Variants in PDE4D observed in about 807,000 individuals in gnomAD.
The protein encoded by PDE4D is phosphodiesterase 4D, also known as 3',5'-cyclic-AMP phosphodiesterase 4D.
In PDE4D, 24 loss-of-function variants were observed where a neutral mutation model predicts 87.4. The observed-to-expected ratio is 0.27, with a 90% CI of 0.20 to 0.39. The LOEUF (loss-of-function observed/expected upper bound fraction) is 0.39. Ranked by LOEUF, PDE4D falls within the 10% of genes least tolerant of loss-of-function variation. The pLI is 1.00. For synonymous variants in PDE4D, 384 were observed against 383.2 expected (o/e 1.00, Z -0.02); for missense variants, 714 against 1,041.0 (o/e 0.69, Z 4.32).
intron 2 of PDE4D, among the ~76,000 whole-genome samples, chr5:59,211,105 C>G (rs1026777338): frequency 6.6e-6 from 1 of 152,038 alleles, no homozygotes; most frequent in Admixed American, 6.6e-5. Flanking sequence ...GGGCAACCAG[C>G]CTTTTGTTAT....
At chr5:59,024,609 T>C (rs183023084) in intron 6 of PDE4D, among the ~76,000 whole-genome samples, 4 of 152,302 alleles carry the variant, frequency 2.6e-5, no homozygotes, top group Admixed American at 2.6e-4. Flanking sequence ...CTATATATCC[T>C]TTAGGCATTC....
intron 5 of PDE4D, among the ~76,000 whole-genome samples, chr5:59,171,269 A>G (rs1198058598): frequency 6.6e-6 from 1 of 152,102 alleles, no homozygotes; most frequent in African/African-American, 2.4e-5. Context: ...AGAGTTGTGA[A>G]CCCATTCCCT....
At chr5:60,046,810 A>T (rs2152874342) in intron 2 of PDE4D, among the ~76,000 whole-genome samples, 1 of 152,232 alleles carries the variant, frequency 6.6e-6, no homozygotes, top group South Asian at 2.1e-4. Context: ...TTCATCAAGG[A>T]TATTGGTCTA....
intron 1 of PDE4D, among the ~76,000 whole-genome samples, chr5:59,304,401 T>C (rs1770872536): frequency 6.6e-6 from 1 of 152,178 alleles, no homozygotes; most frequent in African/African-American, 2.4e-5. Flanking sequence ...CCCTCTTGTC[T>C]GATTGCTCTT....
At chr5:59,611,854 C>T (rs1829047058) in intron 1 of PDE4D, among the ~76,000 whole-genome samples, 1 of 152,118 alleles carries the variant, frequency 6.6e-6, no homozygotes, top group Non-Finnish European at 1.5e-5. Flanking sequence ...AATATAGCAG[C>T]CAAATCTATC....
chr5:59,515,186 T>C (rs1810947789), intron 1 of PDE4D, among the ~76,000 whole-genome samples: 1 of 152,226 alleles, frequency 6.6e-6, no homozygotes, highest in African/African-American at 2.4e-5. Context: ...CAAAGATATC[T>C]AATCTTGATG....
intron 1 of PDE4D, among the ~76,000 whole-genome samples, chr5:59,553,302 G>A (rs1474151874): frequency 6.6e-6 from 1 of 152,016 alleles, no homozygotes; most frequent in African/African-American, 2.4e-5. Flanking sequence ...ACAGAAAGCT[G>A]GGAAAGGCAT....
intron 1 of PDE4D, among the ~76,000 whole-genome samples, chr5:60,473,830 C>T (rs1387528378): frequency 1.3e-5 from 2 of 151,956 alleles, no homozygotes; most frequent in East Asian, 1.9e-4. Context: ...ACCCTCCCCA[C>T]TGTTTGATGT....
At position 59,138,767 on chromosome 5, in the gene PDE4D, A is replaced by G. The variant is rs552609652; in HGVS notation, c.808+41828T>C. On this transcript the variant is annotated intron_variant, in intron 5 of 14. Transcript: ENST00000340635. ...ATATTTGCTAGGAAATGAGTGAGCC[A>G]TTTTAGCTTGATTACATTTTCTGGG... Among the ~76,000 whole-genome samples, 58 of 152,296 alleles carry G rather than the reference A, an allele frequency of 3.8e-4. 1 individual carries two copies. Among genetic ancestry groups the G allele is most frequent in the Middle Eastern group, 6.8e-3 (2 of 294 alleles).
At chr5:59,068,730 A>C (rs917311507) in intron 5 of PDE4D, among the ~76,000 whole-genome samples, 2 of 152,188 alleles carry the variant, frequency 1.3e-5, no homozygotes, top group African/African-American at 4.8e-5. Context: ...GGCTTTAAGC[A>C]GGAAGTCCTG....
intron 1 of PDE4D, among the ~76,000 whole-genome samples, chr5:59,416,888 G>A (rs937951310): frequency 3.9e-5 from 6 of 152,062 alleles, no homozygotes; most frequent in African/African-American, 7.2e-5. Flanking sequence ...TACAAGAAAT[G>A]CTAATAAAAT....
intron 1 of PDE4D, among the ~76,000 whole-genome samples, chr5:59,488,678 T>C (rs1017816737): frequency 1.0e-4 from 15 of 149,024 alleles, no homozygotes; most frequent in African/African-American, 3.7e-4. Context: ...ATAATCTTCT[T>C]TTTTTTTTTT....
intron 1 of PDE4D, among the ~76,000 whole-genome samples, chr5:60,482,225 A>C (rs1253743114): frequency 6.6e-6 from 1 of 152,130 alleles, no homozygotes; most frequent in Non-Finnish European, 1.5e-5. Flanking sequence ...AGATAATAGG[A>C]GAAGTCAGCC....
At chr5:59,022,451 A>G (rs1336256241) in intron 6 of PDE4D, among the ~76,000 whole-genome samples, 2 of 152,070 alleles carry the variant, frequency 1.3e-5, no homozygotes, top group African/African-American at 4.8e-5. Context: ...TGCCCCCACT[A>G]AGAAAACAGA....
At chr5:59,188,763 G>C (rs1482083493) in intron 3 of PDE4D, among the ~76,000 whole-genome samples, 6 of 152,192 alleles carry the variant, frequency 3.9e-5, no homozygotes, top group Middle Eastern at 6.8e-3. Context: ...AAATAGAAAG[G>C]TCATTTTTAT....
At chr5:59,495,728 G>C (rs575133070) in intron 1 of PDE4D, among the ~76,000 whole-genome samples, 1 of 152,196 alleles carries the variant, frequency 6.6e-6, no homozygotes, top group South Asian at 2.1e-4. Context: ...GTGTTGCTAC[G>C]AAATGAGAAA....
intron 1 of PDE4D, among the ~76,000 whole-genome samples, chr5:60,220,775 T>A (rs561501990): frequency 2.4e-4 from 36 of 152,282 alleles, no homozygotes; most frequent in Admixed American, 4.6e-4. Context: ...AATAAACACA[T>A]GAACAAAGTG....
chr5:59,889,228 TA>T (rs58549979), intron 1 of PDE4D, among the ~76,000 whole-genome samples: 5,061 of 71,094 alleles, frequency 0.071, 94 homozygotes, highest in African/African-American at 0.11. Flanking sequence ...AGACTCTGTC[TA>T]AAAAAAAAAA....
chr5:60,004,324 CA>C (rs1764279376), intron 2 of PDE4D, among the ~76,000 whole-genome samples: 2 of 152,052 alleles, frequency 1.3e-5, no homozygotes, highest in Admixed American at 6.6e-5. Context: ...CTGCAGAAAC[CA>C]AAATCTTCAG....
Sources: gnomAD v4.1 joint callset for allele counts (sites outside exome capture counted in the v4.1 genomes callset) on GRCh38, gnomAD v4.1.1 for gene constraint, MANE v1.5 for transcripts, NCBI Gene and HGNC (gene_info 2026-07-23, HGNC 2026-07-21) for gene names.